The following CPNE4 variants were observed in gnomAD, a reference collection of about 807,000 sequenced individuals.
CPNE4 encodes copine-4.
In CPNE4, 25 loss-of-function variants were observed where a neutral mutation model predicts 67.9. The ratio of observed to expected loss-of-function variants is 0.37; its 90% CI spans 0.27 to 0.51. CPNE4 has a LOEUF of 0.51. Ranked by LOEUF, CPNE4 falls within the 20% of genes least tolerant of loss-of-function variation. The pLI is 0.93. For missense variants in CPNE4, 464 were observed against 690.8 expected, an observed-to-expected ratio of 0.67 and a Z score of 3.68; for synonymous variants, 242 against 244.9, an observed-to-expected ratio of 0.99 and a Z score of 0.11.
At chr3:131,876,653 A>AAAAAAAAAAAG (rs762079430) in intron 2 of CPNE4, among the ~76,000 whole-genome samples, 16 of 140,658 alleles carry the variant, frequency 1.1e-4, no homozygotes, top group Non-Finnish European at 2.0e-4. Flanking sequence ...AAAAAAAAAA[A>AAAAAAAAAAAG]AAAGAAAGAA....
intron 2 of CPNE4, among the ~76,000 whole-genome samples, chr3:131,822,588 T>C (rs775873542): frequency 5.3e-5 from 8 of 152,220 alleles, no homozygotes; most frequent in Admixed American, 1.3e-4. Flanking sequence ...CTAGCTTTTG[T>C]ACCTATACAG....
At chr3:131,982,264 C>T (rs1291853671) in intron 1 of CPNE4, among the ~76,000 whole-genome samples, 3 of 152,170 alleles carry the variant, frequency 2.0e-5, no homozygotes, top group African/African-American at 7.2e-5. Context: ...CCATTTTAAA[C>T]TGGTTAAAAA....
At chr3:131,735,997 T>TA (rs1218809801) in intron 2 of CPNE4, among the ~76,000 whole-genome samples, 2 of 152,120 alleles carry the variant, frequency 1.3e-5, no homozygotes, top group Non-Finnish European at 1.5e-5. Context: ...GCTCAGAAAT[T>TA]AGAGTGGCAG....
At chr3:131,607,798 G>A (rs1443566325) in intron 7 of CPNE4, among the ~76,000 whole-genome samples, 1 of 152,070 alleles carries the variant, frequency 6.6e-6, no homozygotes, top group Non-Finnish European at 1.5e-5. Flanking sequence ...AACCGTTTTT[G>A]CTATTGCAGA....
chr3:131,859,253 G>T (rs9848661), intron 2 of CPNE4, among the ~76,000 whole-genome samples: 30,662 of 151,888 alleles, frequency 0.2, 3,847 homozygotes, highest in Non-Finnish European at 0.27. Context: ...TAAAATATGA[G>T]AATTTATATG....
At chr3:131,842,905 C>CA (rs1238415798) in intron 2 of CPNE4, among the ~76,000 whole-genome samples, 3 of 152,064 alleles carry the variant, frequency 2.0e-5, no homozygotes, top group African/African-American at 7.2e-5. Flanking sequence ...CGATATACAG[C>CA]ATTTACCCAT....
At chr3:131,876,885 A>C (rs903158169) in intron 2 of CPNE4, among the ~76,000 whole-genome samples, 3 of 152,202 alleles carry the variant, frequency 2.0e-5, no homozygotes, top group African/African-American at 7.2e-5. Flanking sequence ...GCACCAGCAC[A>C]GGGAATTATC....
At chr3:131,542,971 G>C (rs890241170) in intron 14 of CPNE4, 178 bp from the exon 15 acceptor site, 1 of 578,124 alleles carries the variant, frequency 1.7e-6, no homozygotes, top group Admixed American at 3.1e-5. Context: ...GATGAATGGA[G>C]CTTAAAGGTA....
chr3:131,792,967 A>T, intron 2 of CPNE4, among the ~76,000 whole-genome samples: 1 of 143,232 alleles, frequency 7.0e-6, no homozygotes, highest in African/African-American at 2.6e-5. Flanking sequence ...TGTTTTTTCC[A>T]CTCCCTTCTC....
At chr3:131,778,333 T>A (rs945572797) in intron 2 of CPNE4, among the ~76,000 whole-genome samples, 2 of 152,056 alleles carry the variant, frequency 1.3e-5, no homozygotes, top group Non-Finnish European at 2.9e-5. Flanking sequence ...TATGTCTAGC[T>A]CGAGTCTTGG....
chr3:131,937,814 T>C (rs1386554219), intron 1 of CPNE4, among the ~76,000 whole-genome samples: 4 of 152,040 alleles, frequency 2.6e-5, no homozygotes, highest in Non-Finnish European at 5.9e-5. Flanking sequence ...TAATAAAATA[T>C]AGTCACATTT....
At chr3:131,690,528 C>T (rs910521270) in intron 5 of CPNE4, among the ~76,000 whole-genome samples, 5 of 152,094 alleles carry the variant, frequency 3.3e-5, no homozygotes, top group African/African-American at 1.2e-4. Context: ...TCACCATATA[C>T]AAAAATTAAT....
intron 7 of CPNE4, among the ~76,000 whole-genome samples, chr3:131,589,011 C>T (rs1348556716): frequency 6.6e-6 from 1 of 152,154 alleles, no homozygotes; most frequent in Non-Finnish European, 1.5e-5. Context: ...TGATCTGACT[C>T]CCTCAGTACT....
chr3:131,650,669 C>T (rs1018861801), intron 7 of CPNE4, among the ~76,000 whole-genome samples: 19 of 135,816 alleles, frequency 1.4e-4, no homozygotes, highest in South Asian at 4.5e-4. Context: ...GGCGTGAACC[C>T]GGGAGGCGGA....
chr3:131,691,888 CT>C (rs2081042509), intron 5 of CPNE4, among the ~76,000 whole-genome samples: 1 of 152,054 alleles, frequency 6.6e-6, no homozygotes, highest in South Asian at 2.1e-4. Context: ...AAATTCATAG[CT>C]TCAAAACAAC....
intron 1 of CPNE4, among the ~76,000 whole-genome samples, chr3:132,001,584 A>AAAGAAAGG (rs2073444926): frequency 6.6e-6 from 1 of 150,726 alleles, no homozygotes; most frequent in African/African-American, 2.5e-5. Context: ...AGAAAGAAAG[A>AAAGAAAGG]AAGAAAGAAA....
intron 7 of CPNE4, among the ~76,000 whole-genome samples, chr3:131,626,889 G>T (rs2107769511): frequency 6.6e-6 from 1 of 152,244 alleles, no homozygotes; most frequent in South Asian, 2.1e-4. Context: ...GAAAATCTTA[G>T]GTTCCTTAAA....
At position 131,706,015 on chromosome 3, in the gene CPNE4, G is replaced by A. The variant is rs551501139; in HGVS notation, c.361-6035C>T. Among the ~76,000 whole-genome samples, 5 of 152,178 alleles carry A rather than the reference G, an allele frequency of 3.3e-5. No individual in the cohort carries two copies. The South Asian group carries it at 1.0e-3, about 31-fold the overall frequency. On this transcript the variant is annotated intron_variant, in intron 3 of 15. Transcript: ENST00000429747. ...CACACCAGGTGGCAGCCAGGAGAAA[G>A]AGAAAAGGACCCACATCCCCTAGCA...
At chr3:131,875,824 T>TA (rs2107704873) in intron 2 of CPNE4, among the ~76,000 whole-genome samples, 1 of 107,544 alleles carries the variant, frequency 9.3e-6, no homozygotes, top group Admixed American at 1.1e-4. Flanking sequence ...CCCTAAAACT[T>TA]AAAGTATAAT....
Sources: gnomAD v4.1 joint callset for allele counts (sites outside exome capture counted in the v4.1 genomes callset) on GRCh38, gnomAD v4.1.1 for gene constraint, MANE v1.5 for transcripts, NCBI Gene and HGNC (gene_info 2026-07-23, HGNC 2026-07-21) for gene names.